BICC1: variants seen among roughly 807,000 people sequenced by gnomAD.
BICC1 encodes BicC family RNA binding protein 1, also known as protein bicaudal C homolog 1.
In BICC1, 43 loss-of-function variants were observed where a neutral mutation model predicts 111.0. That is an observed-to-expected ratio of 0.39 (90% CI 0.30 to 0.50). The LOEUF is 0.50. Among genes scored for constraint, BICC1 ranks in the 20% least tolerant of loss-of-function variants. The pLI, the probability that BICC1 is intolerant of heterozygous loss-of-function variation, is 0.88. For missense variants in BICC1, 1,091 were observed against 1,203.2 expected, an observed-to-expected ratio of 0.91 and a Z score of 1.38; for synonymous variants, 467 against 434.4, an observed-to-expected ratio of 1.07 and a Z score of -0.93.
At chr10:58,756,560 G>T (rs1589107224) in intron 3 of BICC1, among the ~76,000 whole-genome samples, 1 of 150,068 alleles carries the variant, frequency 6.7e-6, no homozygotes, top group Non-Finnish European at 1.5e-5. Flanking sequence ...CCACCCTAAG[G>T]GTTTTCCATG....
intron 1 of BICC1, among the ~76,000 whole-genome samples, chr10:58,516,360 G>T (rs919778604): frequency 1.3e-5 from 2 of 152,072 alleles, no homozygotes; most frequent in African/African-American, 4.8e-5. Context: ...ATTCAGTGAG[G>T]TTAATATATG....
At chr10:58,546,830 CT>C (rs1202466553) in intron 1 of BICC1, among the ~76,000 whole-genome samples, 3 of 151,984 alleles carry the variant, frequency 2.0e-5, no homozygotes, top group Non-Finnish European at 4.4e-5. Flanking sequence ...GATATTTGTA[CT>C]TTTTCAAAAA....
intron 1 of BICC1, among the ~76,000 whole-genome samples, chr10:58,542,162 A>AAC (rs1319400188): frequency 6.8e-6 from 1 of 147,118 alleles, no homozygotes; most frequent in Admixed American, 6.7e-5. Flanking sequence ...AAAAAAAAAA[A>AAC]AAAACAAAAA....
chr10:58,671,083 A>G (rs1405048818), intron 2 of BICC1, among the ~76,000 whole-genome samples: 1 of 152,062 alleles, frequency 6.6e-6, no homozygotes, highest in Non-Finnish European at 1.5e-5. Context: ...CGTCCTTCCC[A>G]TGTAAGGCGG....
chr10:58,544,053 C>CA (rs1843070284), intron 1 of BICC1, among the ~76,000 whole-genome samples: 1 of 152,022 alleles, frequency 6.6e-6, no homozygotes, highest in African/African-American at 2.4e-5. Flanking sequence ...CTGTGTTTCA[C>CA]AGGGTGAATG....
rs12416282 is a variant in BICC1, at chr10:58,673,666, G to A, written c.238-28408G>A. 7.9e-3 allele frequency among the ~76,000 whole-genome samples: 1,201 copies of A among 152,132 alleles called. 8 individuals carry two copies. Among genetic ancestry groups the A allele is most frequent in the Non-Finnish European group, 0.013 (882 of 67,990 alleles). On this transcript the variant is annotated intron_variant, in intron 2 of 20. Coordinates refer to ENST00000373886, the MANE Select transcript of BICC1 (RefSeq NM_001080512.3). ...TGATTGAGTCTCCCTGTGTCACACAGGCTGGAGTGCAGTGGCACGATCTTA... is the reference window on the plus strand; with the variant it reads ...TGATTGAGTCTCCCTGTGTCACACAAGCTGGAGTGCAGTGGCACGATCTTA...
At chr10:58,818,427 T>C (rs1296013723) in intron 19 of BICC1, among the ~76,000 whole-genome samples, 1 of 152,154 alleles carries the variant, frequency 6.6e-6, no homozygotes, top group Admixed American at 6.6e-5. Flanking sequence ...TTCTATACAT[T>C]TGTGTCTTTT....
At chr10:58,802,802 G>A (rs1430485220) in intron 14 of BICC1, among the ~76,000 whole-genome samples, 1 of 152,160 alleles carries the variant, frequency 6.6e-6, no homozygotes, top group Non-Finnish European at 1.5e-5. Context: ...TCATGAAATA[G>A]TTTCAAGCTT....
intron 1 of BICC1, among the ~76,000 whole-genome samples, chr10:58,515,308 C>T (rs1157530885): frequency 1.3e-5 from 2 of 152,090 alleles, no homozygotes; most frequent in African/African-American, 2.4e-5. Flanking sequence ...AGAAATGTGT[C>T]CTTAGGCATT....
At chr10:58,556,575 G>A (rs1843454404) in intron 1 of BICC1, among the ~76,000 whole-genome samples, 1 of 152,014 alleles carries the variant, frequency 6.6e-6, no homozygotes. Context: ...ATGCAGGCAG[G>A]CAGAAACCTT....
chr10:58,555,157 C>T (rs769722081), intron 1 of BICC1, among the ~76,000 whole-genome samples: 8 of 151,748 alleles, frequency 5.3e-5, no homozygotes, highest in South Asian at 4.1e-4. Context: ...AATACATTTT[C>T]GAGATTTTTT....
At chr10:58,742,974 T>C (rs984045003) in intron 3 of BICC1, among the ~76,000 whole-genome samples, 7 of 152,198 alleles carry the variant, frequency 4.6e-5, no homozygotes, top group Admixed American at 1.3e-4. Context: ...CTGAATACTT[T>C]GGTAGGCATG....
intron 20 of BICC1, among the ~76,000 whole-genome samples, chr10:58,822,911 G>T (rs1267001692): frequency 6.6e-6 from 1 of 152,006 alleles, no homozygotes; most frequent in African/African-American, 2.4e-5. Flanking sequence ...AAATTTTGTA[G>T]ATTTTAAACT....
intron 1 of BICC1, among the ~76,000 whole-genome samples, chr10:58,614,008 A>G (rs140151566): frequency 6.6e-6 from 1 of 152,304 alleles, no homozygotes; most frequent in African/African-American, 2.4e-5. Flanking sequence ...GCCTAATTTT[A>G]TATTGAGAAA....
intron 2 of BICC1, among the ~76,000 whole-genome samples, chr10:58,694,283 A>T (rs1295043394): frequency 1.3e-5 from 2 of 152,200 alleles, no homozygotes. Flanking sequence ...GGAGACAAGG[A>T]GTCATCATGA....
At chr10:58,823,341 A>G (rs1226187026) in intron 20 of BICC1, 20 of 985,202 alleles carry the variant, frequency 2.0e-5, no homozygotes, top group Non-Finnish European at 2.4e-5. Context: ...AGGCTTACTG[A>G]AAAATATTAG....
rs372768041 is a variant in BICC1, at chr10:58,538,742, CAAAT to C, written c.190+25412_190+25415del. 2.2e-3 allele frequency among the ~76,000 whole-genome samples: 332 copies of C among 151,764 alleles called. 3 individuals are homozygous for C. The highest frequency in any genetic ancestry group is 6.9e-3 in the African/African-American group (285 of 41,486). On this transcript the variant is annotated intron_variant, in intron 1 of 20. Coordinates refer to ENST00000373886, the MANE Select transcript of BICC1 (RefSeq NM_001080512.3). Reference sequence around the variant, plus strand: ...CGGAACTCAAATCACTAAGAAAAAACAAATAATCCCATTAAAGAGTGGGCAAAGG... The same window carrying C: ...CGGAACTCAAATCACTAAGAAAAAACAATCCCATTAAAGAGTGGGCAAAGG...
Position 58,799,055 on chromosome 10 carries a change from G to C in BICC1, c.1529-1G>C. The C allele has an allele frequency of 6.4e-7, 1 of 1,564,360 alleles. No homozygotes were observed. The highest frequency in any genetic ancestry group is 1.4e-5 in the African/African-American group (1 of 73,630). On this transcript the variant is annotated splice_acceptor_variant, in intron 11 of 20. Coordinates refer to ENST00000373886, the MANE Select transcript of BICC1 (RefSeq NM_001080512.3). LOFTEE classifies it high-confidence loss of function. ...TCTGTCATCATAAAATGTTGTTGTA[G>C]GTTTTTCTGCTATACCACACCTTAT... is the stretch of plus-strand genomic sequence containing the variant.
At chr10:58,683,218 T>C (rs1839596094) in intron 2 of BICC1, among the ~76,000 whole-genome samples, 1 of 151,926 alleles carries the variant, frequency 6.6e-6, no homozygotes, top group Non-Finnish European at 1.5e-5. Flanking sequence ...TTTCTGAGGG[T>C]TCTGTTCTGT....
Sources: allele counts gnomAD v4.1 joint callset (sites outside exome capture counted in the v4.1 genomes callset), GRCh38; gene constraint gnomAD v4.1.1; transcripts MANE v1.5; gene names NCBI Gene and HGNC (gene_info 2026-07-23, HGNC 2026-07-21).